The following CAMK4 variants were observed in gnomAD, a reference collection of about 807,000 sequenced individuals.
CAMK4 encodes calcium/calmodulin dependent protein kinase IV.
A neutral mutation model predicts 44.9 loss-of-function variants in CAMK4; 22 were observed. The observed-to-expected ratio is 0.49, with a 90% CI of 0.35 to 0.70. CAMK4 has a LOEUF of 0.70. Ranked by LOEUF, CAMK4 falls within the 30% of genes least tolerant of loss-of-function variation. The pLI is 0.01. For missense variants in CAMK4, 498 were observed against 586.8 expected, an observed-to-expected ratio of 0.85 and a Z score of 1.56; for synonymous variants, 218 against 215.4, an observed-to-expected ratio of 1.01 and a Z score of -0.11.
intron 5 of CAMK4, among the ~76,000 whole-genome samples, chr5:111,428,030 C>A (rs1389526267): frequency 6.6e-6 from 1 of 152,184 alleles, no homozygotes; most frequent in African/African-American, 2.4e-5. Context: ...ATGTAGGTGG[C>A]TCAGAACAAA....
At chr5:111,262,313 T>C (rs1560074) in intron 1 of CAMK4, among the ~76,000 whole-genome samples, 40,613 of 151,800 alleles carry the variant, frequency 0.27, 5,401 homozygotes, top group South Asian at 0.42. Flanking sequence ...AGGATGTTAG[T>C]GGAGGGCTGA....
At chr5:111,232,552 A>T (rs145362104) in intron 1 of CAMK4, among the ~76,000 whole-genome samples, 1 of 152,302 alleles carries the variant, frequency 6.6e-6, no homozygotes, top group African/African-American at 2.4e-5. Flanking sequence ...GGGTAAGTTG[A>T]TGTCAGACCA....
intron 1 of CAMK4, among the ~76,000 whole-genome samples, chr5:111,250,941 C>A (rs1447152228): frequency 6.6e-6 from 1 of 152,200 alleles, no homozygotes; most frequent in Non-Finnish European, 1.5e-5. Flanking sequence ...CAGGGACGAG[C>A]CACTGCACCC....
At chr5:111,343,978 C>A (rs530980821) in intron 1 of CAMK4, 46 bp from the exon 2 acceptor site, 1 of 1,124,234 alleles carries the variant, frequency 8.9e-7, no homozygotes, top group Non-Finnish European at 1.3e-6. Flanking sequence ...CCCTTTAATT[C>A]ATGTCCAAAG....
intron 5 of CAMK4, among the ~76,000 whole-genome samples, chr5:111,444,794 C>G (rs1432363187): frequency 6.6e-6 from 1 of 152,030 alleles, no homozygotes; most frequent in African/African-American, 2.4e-5. Context: ...TTCTCTTAAA[C>G]CAACAGAAAC....
intron 1 of CAMK4, among the ~76,000 whole-genome samples, chr5:111,230,979 A>G (rs1748446064): frequency 6.6e-6 from 1 of 152,192 alleles, no homozygotes; most frequent in African/African-American, 2.4e-5. Flanking sequence ...GGAACTTTTC[A>G]TGAAGTTGAT....
At position 111,267,660 on chromosome 5, in the gene CAMK4, T is replaced by C. The variant is rs544630105; in HGVS notation, c.161+43016T>C. Among the ~76,000 whole-genome samples, 16 of 129,308 alleles carry C rather than the reference T, an allele frequency of 1.2e-4. No individual in the cohort carries two copies. The East Asian group carries it at 2.9e-3, about 24-fold the overall frequency. The allele number at this position is 129,308 out of a possible 152,430, so 84.8% of individuals were successfully genotyped here. A position where few individuals can be genotyped will look rare whatever the true frequency, so the allele number is the denominator to read the frequency against. On this transcript the variant is annotated intron_variant, in intron 1 of 10. Coordinates refer to ENST00000282356, the MANE Select transcript of CAMK4 (RefSeq NM_001744.6). ...CGGAGCTTGCAGTGAGCGGAGATCGTGCCACAGCACTCCCGCCTGGGCGAC... is the reference window on the plus strand; with the variant it reads ...CGGAGCTTGCAGTGAGCGGAGATCGCGCCACAGCACTCCCGCCTGGGCGAC...
chr5:111,457,106 A>G (rs1754443212), intron 7 of CAMK4, among the ~76,000 whole-genome samples: 1 of 152,204 alleles, frequency 6.6e-6, no homozygotes, highest in African/African-American at 2.4e-5. Context: ...AGGGGAATTC[A>G]AGTTTCTTTG....
At chr5:111,377,061 C>A in intron 4 of CAMK4, 119 bp downstream of exon 4, 1 of 603,012 alleles carries the variant, frequency 1.7e-6, no homozygotes, top group Non-Finnish European at 2.9e-6. Flanking sequence ...TTGATAAATA[C>A]TACTAAAAAA....
At chr5:111,282,625 C>T (rs1485540190) in intron 1 of CAMK4, among the ~76,000 whole-genome samples, 1 of 152,074 alleles carries the variant, frequency 6.6e-6, no homozygotes, top group Non-Finnish European at 1.5e-5. Flanking sequence ...TATATGTAGC[C>T]ACCAGAATAC....
chr5:111,235,561 C>G (rs1226608292), intron 1 of CAMK4, among the ~76,000 whole-genome samples: 1 of 152,182 alleles, frequency 6.6e-6, no homozygotes, highest in Admixed American at 6.5e-5. Flanking sequence ...TGAGTGCAAC[C>G]TGTAACTGGA....
intron 7 of CAMK4, among the ~76,000 whole-genome samples, chr5:111,453,439 G>T (rs1055382026): frequency 6.6e-6 from 1 of 152,194 alleles, no homozygotes; most frequent in African/African-American, 2.4e-5. Flanking sequence ...CCTCACCACA[G>T]ATAGATACTC....
chr5:111,394,235 G>C (rs1356423731), intron 4 of CAMK4, among the ~76,000 whole-genome samples: 4 of 151,702 alleles, frequency 2.6e-5, no homozygotes, highest in African/African-American at 9.7e-5. Flanking sequence ...ATTTTTAGAG[G>C]GTCCTTTATC....
rs1748332060 is a variant in CAMK4, at chr5:111,314,332, A to G, written c.162-29692A>G. 2.0e-5 allele frequency among the ~76,000 whole-genome samples: 3 copies of G among 152,086 alleles called. No homozygotes were observed. The South Asian group carries it at 6.2e-4, about 31-fold the overall frequency. On this transcript the variant is annotated intron_variant, in intron 1 of 10. Transcript: ENST00000282356. ...CCAACAGCATATCCATATAATGGAA[A>G]GTCATGTTTTAATACAGTTCCAACA... is the stretch of plus-strand genomic sequence containing the variant.
At chr5:111,386,044 A>G (rs2112845503) in intron 4 of CAMK4, among the ~76,000 whole-genome samples, 1 of 152,284 alleles carries the variant, frequency 6.6e-6, no homozygotes, top group Non-Finnish European at 1.5e-5. Context: ...CTTTCTTCTT[A>G]GTATTTGAAT....
intron 1 of CAMK4, chr5:111,302,362 C>G (rs2112649658): frequency 6.7e-6 from 1 of 149,260 alleles, no homozygotes; most frequent in African/African-American, 2.5e-5. Flanking sequence ...GAGTGCCAGA[C>G]AGTGGGCGCA....
rs374868830 is a variant in CAMK4 at position 111,473,404 on chromosome 5, A to G, written c.701+18A>G. The G allele has an allele frequency of 8.8e-6, 13 of 1,483,810 alleles. No individual in the cohort carries two copies. The African/African-American group carries it at 1.5e-4, about 17-fold the overall frequency. The allele number at this position is 1,483,810 out of a possible 1,614,324, so 91.9% of individuals were successfully genotyped here. A position where few individuals can be genotyped will look rare whatever the true frequency, so the allele number is the denominator to read the frequency against. On this transcript the variant is annotated intron_variant, in intron 8 of 10. Coordinates refer to ENST00000282356, the MANE Select transcript of CAMK4 (RefSeq NM_001744.6). ...TACATCTTGTAAGTGAAGAAAAGCAATATTTATGTAAACTATTTACCTTGC... is the reference window on the plus strand; with the variant it reads ...TACATCTTGTAAGTGAAGAAAAGCAGTATTTATGTAAACTATTTACCTTGC...
rs942011215 is a variant in CAMK4, at chr5:111,489,569, G to A, written c.*5103G>A. The A allele has an allele frequency of 3.3e-5, 5 of 152,160 alleles. No individual in the cohort carries two copies. The highest frequency in any genetic ancestry group is 1.2e-4 in the African/African-American group (5 of 41,404). 9.4% of individuals were successfully genotyped at this position (152,160 alleles called of 1,614,324 possible). On this transcript the variant is annotated 3_prime_UTR_variant, in exon 11 of 11. Transcript: ENST00000282356. Reference sequence around the variant, plus strand: ...CTAACTTCCTTCAAGAACTCAGTCTGTTCCCTGTTGTCTGGTTCAGAGGTC... The same window carrying A: ...CTAACTTCCTTCAAGAACTCAGTCTATTCCCTGTTGTCTGGTTCAGAGGTC...
chr5:111,328,435 C>G (rs1176430281), intron 1 of CAMK4, among the ~76,000 whole-genome samples: 1 of 152,000 alleles, frequency 6.6e-6, no homozygotes, highest in African/African-American at 2.4e-5. Context: ...AGTTTGAAGT[C>G]AGGTAGCGTG....
Sources: gnomAD v4.1 joint callset for allele counts (sites outside exome capture counted in the v4.1 genomes callset) on GRCh38, gnomAD v4.1.1 for gene constraint, MANE v1.5 for transcripts, NCBI Gene and HGNC (gene_info 2026-07-23, HGNC 2026-07-21) for gene names.